Variants in EPB41L2 observed in about 807,000 individuals in gnomAD.
EPB41L2 encodes the protein erythrocyte membrane protein band 4.1 like 2, also known as band 4.1-like protein 2.
Under a neutral mutation model 113.0 loss-of-function variants are expected in EPB41L2, and 43 were observed. That is an observed-to-expected ratio of 0.38 (90% CI 0.30 to 0.49). The LOEUF is 0.49. Ranked by LOEUF, EPB41L2 falls within the 20% of genes least tolerant of loss-of-function variation. The pLI, the probability that EPB41L2 is intolerant of heterozygous loss-of-function variation, is 0.95. For missense variants in EPB41L2, 1,147 were observed against 1,223.4 expected (o/e 0.94, Z 0.93); for synonymous variants, 442 against 436.7 (o/e 1.01, Z -0.15).
At chr6:130,947,001 G>T (rs1007192532) in intron 3 of EPB41L2, among the ~76,000 whole-genome samples, 2 of 149,652 alleles carry the variant, frequency 1.3e-5, no homozygotes, top group Admixed American at 6.6e-5. Flanking sequence ...CATAAGCAAT[G>T]CACTGAATAA....
chr6:130,946,286 A>G (rs1487743440), intron 3 of EPB41L2, among the ~76,000 whole-genome samples: 1 of 152,194 alleles, frequency 6.6e-6, no homozygotes, highest in Non-Finnish European at 1.5e-5. Context: ...CAAAAATAAC[A>G]TTAAAGTTGG....
intron 1 of EPB41L2, among the ~76,000 whole-genome samples, chr6:130,980,087 C>A (rs1779050294): frequency 6.6e-6 from 1 of 152,044 alleles, no homozygotes; most frequent in African/African-American, 2.4e-5. Context: ...GGGGCAAGGG[C>A]AGATTGCTTC....
chr6:131,052,901 T>C (rs1049647207), intron 1 of EPB41L2, among the ~76,000 whole-genome samples: 3 of 152,024 alleles, frequency 2.0e-5, no homozygotes, highest in East Asian at 1.9e-4. Context: ...CACAAAAATA[T>C]AAATTTTTTT....
chr6:131,047,456 G>T (rs910960875), intron 1 of EPB41L2, among the ~76,000 whole-genome samples: 1 of 152,052 alleles, frequency 6.6e-6, no homozygotes, highest in Non-Finnish European at 1.5e-5. Context: ...CAATGTCTTT[G>T]CAAGGAAATT....
chr6:130,933,715 A>C (rs1016014860), intron 3 of EPB41L2, among the ~76,000 whole-genome samples: 1 of 152,202 alleles, frequency 6.6e-6, no homozygotes, highest in Non-Finnish European at 1.5e-5. Context: ...CAGCCCAAGG[A>C]AGGCAGGCTG....
In EPB41L2 at chr6:130,869,918, T is replaced by C. The variant is rs1172396973; in HGVS notation, c.2252A>G (p.Glu751Gly). The change falls in exon 15 of 20, where the codon GAA becomes GGA. Residue 751 changes from glutamate to glycine, a missense_variant. Coordinates refer to ENST00000337057, the MANE Select transcript of EPB41L2 (RefSeq NM_001431.4). Reference sequence around the variant, plus strand: ...GTGGGGACGGTACTCTCCCACGTCTTCCTCCTCACTCTCACTGCTGCTGCT... The same window carrying C: ...GTGGGGACGGTACTCTCCCACGTCTCCCTCCTCACTCTCACTGCTGCTGCT... ...SSSSSSESEE[E>G]DVGEYRPHHR... 3 of 1,612,780 alleles carry C rather than the reference T, an allele frequency of 1.9e-6. No individual in the cohort carries two copies.
intron 8 of EPB41L2, among the ~76,000 whole-genome samples, chr6:130,897,538 C>A (rs902017764): frequency 5.3e-5 from 8 of 152,090 alleles, no homozygotes; most frequent in South Asian, 2.1e-4. Context: ...TACAGCATTG[C>A]CATTTAAGAA....
chr6:131,057,426 C>T (rs1797805824), intron 1 of EPB41L2, among the ~76,000 whole-genome samples: 1 of 152,034 alleles, frequency 6.6e-6, no homozygotes, highest in Admixed American at 6.6e-5. Context: ...AGCTTCTGGA[C>T]AAAAAGAGAA....
chr6:130,914,513 TG>T (rs1750802063), intron 4 of EPB41L2, among the ~76,000 whole-genome samples: 1 of 147,156 alleles, frequency 6.8e-6, no homozygotes, highest in Non-Finnish European at 1.5e-5. Context: ...TTATCCAGTT[TG>T]GCCGATGGTA....
intron 4 of EPB41L2, among the ~76,000 whole-genome samples, chr6:130,917,149 C>G (rs1801379324): frequency 6.6e-6 from 1 of 152,334 alleles, no homozygotes; most frequent in East Asian, 1.9e-4. Context: ...CAGTCATCAA[C>G]TGGCATTAGT....
intron 1 of EPB41L2, among the ~76,000 whole-genome samples, chr6:130,994,664 T>C (rs570060769): frequency 2.6e-4 from 39 of 152,294 alleles, no homozygotes; most frequent in African/African-American, 8.7e-4. Flanking sequence ...TGAAAGGATA[T>C]ATACATGTTT....
At chr6:131,015,077 T>C (rs1008564370) in intron 1 of EPB41L2, among the ~76,000 whole-genome samples, 1 of 152,206 alleles carries the variant, frequency 6.6e-6, no homozygotes, top group Non-Finnish European at 1.5e-5. Flanking sequence ...ACTGTAAACA[T>C]GCTTTCATTC....
chr6:130,856,048 G>A (rs868279889), intron 19 of EPB41L2, among the ~76,000 whole-genome samples: 19 of 152,182 alleles, frequency 1.2e-4, no homozygotes, highest in East Asian at 3.9e-4. Flanking sequence ...ATGAGATGGG[G>A]GAAAGAAGGG....
At chr6:130,937,442 G>C (rs1809194137) in intron 3 of EPB41L2, among the ~76,000 whole-genome samples, 1 of 152,084 alleles carries the variant, frequency 6.6e-6, no homozygotes, top group Non-Finnish European at 1.5e-5. Flanking sequence ...GTGTATATGT[G>C]CTCCTTTTGT....
At position 130,956,497 on chromosome 6, in the gene EPB41L2, A is replaced by T; in HGVS notation, c.-12T>A. The T allele has an allele frequency of 6.3e-7, 1 of 1,588,030 alleles. No individual in the cohort carries two copies. The highest frequency in any genetic ancestry group is 8.5e-7 in the Non-Finnish European group (1 of 1,169,654). On this transcript the variant is annotated splice_region_variant and 5_prime_UTR_variant, in exon 2 of 20. Coordinates refer to ENST00000337057, the MANE Select transcript of EPB41L2 (RefSeq NM_001431.4). ...ACTTCAGTAGTCATGGCCACAGCTT[A>T]TGCTGTAATCAAAACAAAAATCATA...
chr6:131,044,188 A>T (rs1300062920), intron 1 of EPB41L2, among the ~76,000 whole-genome samples: 2 of 151,840 alleles, frequency 1.3e-5, no homozygotes, highest in African/African-American at 4.8e-5. Flanking sequence ...TGCCTAACTA[A>T]GTTTACTTTG....
intron 14 of EPB41L2, among the ~76,000 whole-genome samples, chr6:130,870,536 T>C (rs1430513769): frequency 6.6e-6 from 1 of 152,000 alleles, no homozygotes; most frequent in African/African-American, 2.4e-5. Context: ...TCAAGACAAA[T>C]GCCAAAAAGC....
rs1005636896 is a variant in EPB41L2 at position 130,956,432 on chromosome 6, T to C, written c.54A>G (p.Leu18=). ...VSEVKKDSSQ[L]GTDATKEKPK... ...GTTTTTCCTTGGTTGCATCTGTTCC[T>C]AACTGGCTAGAGTCCTTCTTCACTT... Residue 18 remains leucine (L), a synonymous_variant, in exon 2 of 20, where the codon TTA becomes TTG. Transcript: ENST00000337057. 1 of 1,614,004 alleles carries C rather than the reference T, an allele frequency of 6.2e-7. No individual in the cohort carries two copies. Among genetic ancestry groups the C allele is most frequent in the Non-Finnish European group, 8.5e-7 (1 of 1,180,042 alleles).
intron 3 of EPB41L2, among the ~76,000 whole-genome samples, chr6:130,947,251 C>G (rs1185925080): frequency 6.6e-6 from 1 of 152,104 alleles, no homozygotes; most frequent in Admixed American, 6.5e-5. Flanking sequence ...GCCAAGCTAT[C>G]ACCTCATGAC....
Sources: gnomAD v4.1 joint callset for allele counts (sites outside exome capture counted in the v4.1 genomes callset) on GRCh38, gnomAD v4.1.1 for gene constraint, MANE v1.5 for transcripts, NCBI Gene and HGNC (gene_info 2026-07-23, HGNC 2026-07-21) for gene names.